GRHL2: variants seen among roughly 807,000 people sequenced by gnomAD.
GRHL2 encodes the protein grainyhead-like protein 2 homolog.
GRHL2 carries 21 observed loss-of-function variants against 83.8 expected under a neutral mutation model. The observed-to-expected ratio is 0.25, with a 90% confidence interval of 0.18 to 0.36. The LOEUF (loss-of-function observed/expected upper bound fraction) is 0.36. Among genes scored for constraint, GRHL2 ranks in the 10% least tolerant of loss-of-function variants. The pLI is 1.00. For synonymous variants in GRHL2, 280 were observed against 278.9 expected (o/e 1.00, Z -0.04); for missense variants, 623 against 781.8 (o/e 0.80, Z 2.42).
At chr8:101,631,872 T>A in intron 10 of GRHL2, 148 bp downstream of exon 10, 1 of 736,384 alleles carries the variant, frequency 1.4e-6, no homozygotes. Context: ...GACAGGGTGA[T>A]TGATTATCCC....
intron 5 of GRHL2, among the ~76,000 whole-genome samples, chr8:101,571,151 A>G (rs201322960): frequency 8.9e-6 from 1 of 112,740 alleles, no homozygotes; most frequent in African/African-American, 2.7e-5. Flanking sequence ...ACAGAGATAT[A>G]TAAAGAGCTA....
At chr8:101,653,465 T>TATC (rs1164504570) in intron 14 of GRHL2, among the ~76,000 whole-genome samples, 1 of 152,158 alleles carries the variant, frequency 6.6e-6, no homozygotes, top group Non-Finnish European at 1.5e-5. Context: ...GGGCATTGCT[T>TATC]ATCTAACTGG....
chr8:101,550,116 T>G (rs944154856), intron 2 of GRHL2, among the ~76,000 whole-genome samples: 28 of 151,522 alleles, frequency 1.8e-4, no homozygotes, highest in African/African-American at 6.5e-4. Flanking sequence ...TTTCCCTCTT[T>G]TATTATTTAT....
At chr8:101,652,399 CTGGTGTGTGTG>C (rs1176234648) in intron 14 of GRHL2, among the ~76,000 whole-genome samples, 8 of 29,202 alleles carry the variant, frequency 2.7e-4, no homozygotes, top group Admixed American at 1.0e-3. Context: ...GTGTGTGTGT[CTGGTGTGTGTG>C]TGGTGTGTGT....
At chr8:101,543,567 C>T in intron 2 of GRHL2, 131 bp downstream of exon 2, 1 of 839,116 alleles carries the variant, frequency 1.2e-6, no homozygotes, top group Non-Finnish European at 2.0e-6. Context: ...TAGAATTCAG[C>T]CTCTTCCTGT....
intron 13 of GRHL2, among the ~76,000 whole-genome samples, chr8:101,645,414 GA>G (rs1401166608): frequency 1.3e-5 from 2 of 152,102 alleles, no homozygotes; most frequent in African/African-American, 4.8e-5. Context: ...GACTTTTAAT[GA>G]GTCAGTTCAC....
chr8:101,523,812 A>G (rs1046654732), intron 1 of GRHL2, among the ~76,000 whole-genome samples: 1 of 152,056 alleles, frequency 6.6e-6, no homozygotes, highest in African/African-American at 2.4e-5. Flanking sequence ...CATAAGCTAT[A>G]TATATATTTA....
At chr8:101,585,740 A>G (rs1288032165) in intron 7 of GRHL2, among the ~76,000 whole-genome samples, 1 of 152,270 alleles carries the variant, frequency 6.6e-6, no homozygotes, top group Non-Finnish European at 1.5e-5. Flanking sequence ...GTGAAGGTTA[A>G]TTAACTTAAA....
At chr8:101,523,971 T>A (rs957701699) in intron 1 of GRHL2, among the ~76,000 whole-genome samples, 4 of 152,208 alleles carry the variant, frequency 2.6e-5, no homozygotes, top group Non-Finnish European at 5.9e-5. Context: ...ATCAGGTGCG[T>A]AATAGAATGC....
intron 4 of GRHL2, among the ~76,000 whole-genome samples, chr8:101,567,446 A>G (rs891463628): frequency 6.6e-6 from 1 of 152,244 alleles, no homozygotes; most frequent in African/African-American, 2.4e-5. Context: ...ATACTAATTT[A>G]CTTACAGCCA....
chr8:101,631,136 G>A (rs1028334711), intron 9 of GRHL2, among the ~76,000 whole-genome samples: 7 of 152,262 alleles, frequency 4.6e-5, no homozygotes, highest in African/African-American at 1.7e-4. Context: ...ATCTTGTGTG[G>A]TTTCCTTATG....
intron 1 of GRHL2, among the ~76,000 whole-genome samples, chr8:101,523,122 G>A (rs1241640073): frequency 6.6e-6 from 1 of 151,848 alleles, no homozygotes; most frequent in Admixed American, 6.6e-5. Context: ...ACATTGCCCA[G>A]GCTGGTCTCA....
chr8:101,496,982 A>G (rs910141975), intron 1 of GRHL2, among the ~76,000 whole-genome samples: 4 of 152,204 alleles, frequency 2.6e-5, no homozygotes, highest in Non-Finnish European at 5.9e-5. Flanking sequence ...TTGCACACTC[A>G]AAACAGTCAA....
chr8:101,567,180 A>G (rs142750377), intron 4 of GRHL2, among the ~76,000 whole-genome samples: 1 of 152,328 alleles, frequency 6.6e-6, no homozygotes, highest in East Asian at 1.9e-4. Flanking sequence ...TGAGATTTAA[A>G]TATGTTTACT....
chr8:101,521,476 C>T (rs780320505), intron 1 of GRHL2, among the ~76,000 whole-genome samples: 2 of 152,182 alleles, frequency 1.3e-5, no homozygotes, highest in Non-Finnish European at 2.9e-5. Flanking sequence ...GATATTTTCT[C>T]TTGTAGCACC....
At chr8:101,507,928 G>A (rs940809115) in intron 1 of GRHL2, among the ~76,000 whole-genome samples, 1 of 151,788 alleles carries the variant, frequency 6.6e-6, no homozygotes, top group East Asian at 1.9e-4. Flanking sequence ...GATTACAGAT[G>A]TGTGCCACCA....
intron 1 of GRHL2, among the ~76,000 whole-genome samples, chr8:101,524,676 TG>T (rs1477430133): frequency 3.3e-5 from 5 of 152,154 alleles, no homozygotes; most frequent in African/African-American, 1.2e-4. Context: ...AACTATGTTG[TG>T]GTCAGAGAAT....
intron 1 of GRHL2, among the ~76,000 whole-genome samples, chr8:101,518,190 C>T (rs1228903527): frequency 6.6e-6 from 1 of 152,172 alleles, no homozygotes; most frequent in African/African-American, 2.4e-5. Context: ...TTGTGACTTT[C>T]CCTATTAGAA....
intron 14 of GRHL2, among the ~76,000 whole-genome samples, chr8:101,651,842 T>G (rs929444315): frequency 7.2e-5 from 11 of 152,176 alleles, no homozygotes; most frequent in African/African-American, 2.7e-4. Flanking sequence ...CCCCTTTATG[T>G]CTAAAAAGAA....
Sources: gnomAD v4.1 joint callset for allele counts (sites outside exome capture counted in the v4.1 genomes callset) on GRCh38, gnomAD v4.1.1 for gene constraint, MANE v1.5 for transcripts, NCBI Gene and HGNC (gene_info 2026-07-23, HGNC 2026-07-21) for gene names.